TNS3: variants seen among roughly 807,000 people sequenced by gnomAD.
The protein encoded by TNS3 is tensin 3.
TNS3 carries 45 observed loss-of-function variants against 140.9 expected under a neutral mutation model. The ratio of observed to expected loss-of-function variants is 0.32; its 90% CI spans 0.25 to 0.41. The LOEUF (loss-of-function observed/expected upper bound fraction) is 0.41, where lower values mean the gene tolerates loss of function less well. TNS3 is among the 10% of genes least tolerant of loss of function. TNS3 has a pLI of 1.00. For synonymous variants in TNS3, 815 were observed against 788.4 expected, an observed-to-expected ratio of 1.03 and a Z score of -0.56; for missense variants, 1,716 against 1,906.7, an observed-to-expected ratio of 0.90 and a Z score of 1.86.
chr7:47,343,011 A>G (rs996929966), intron 20 of TNS3, among the ~76,000 whole-genome samples: 2 of 152,222 alleles, frequency 1.3e-5, no homozygotes, highest in African/African-American at 4.8e-5. Context: ...AAAAATCTAG[A>G]AGGCTCACAT....
chr7:47,452,536 G>A (rs1024231946), intron 4 of TNS3, among the ~76,000 whole-genome samples: 2 of 152,162 alleles, frequency 1.3e-5, no homozygotes, highest in South Asian at 2.1e-4. Flanking sequence ...TATTTGTAAC[G>A]AAATAGTCAC....
At chr7:47,521,993 G>A (rs1456472718) in intron 2 of TNS3, among the ~76,000 whole-genome samples, 6 of 152,158 alleles carry the variant, frequency 3.9e-5, no homozygotes, top group Non-Finnish European at 5.9e-5. Context: ...TCTGCACGGC[G>A]ATGGAGACCG....
intron 9 of TNS3, among the ~76,000 whole-genome samples, chr7:47,427,508 G>T (rs1290730520): frequency 1.3e-5 from 2 of 152,254 alleles, no homozygotes; most frequent in African/African-American, 4.8e-5. Context: ...AGATGCAAAT[G>T]TAGACCCCAT....
At chr7:47,433,917 CTCTCTT>C (rs761253786) in intron 8 of TNS3, among the ~76,000 whole-genome samples, 1 of 120,170 alleles carries the variant, frequency 8.3e-6, no homozygotes, top group African/African-American at 3.0e-5. Flanking sequence ...CTCTCTCTCT[CTCTCTT>C]AGTTTGCACC....
At chr7:47,421,631 T>A (rs1339044588) in intron 10 of TNS3, among the ~76,000 whole-genome samples, 1 of 152,118 alleles carries the variant, frequency 6.6e-6, no homozygotes, top group Non-Finnish European at 1.5e-5. Flanking sequence ...GGGAAGGAAG[T>A]TCAGGGGTGC....
chr7:47,389,083 A>AGAAGAAGAG, intron 16 of TNS3, among the ~76,000 whole-genome samples: 1 of 71,630 alleles, frequency 1.4e-5, no homozygotes, highest in African/African-American at 7.7e-5. Flanking sequence ...AAGAAGAAGA[A>AGAAGAAGAG]GAGGAAGAGG....
At chr7:47,506,818 G>T in intron 3 of TNS3, 89 bp downstream of exon 3, 1 of 1,006,200 alleles carries the variant, frequency 9.9e-7, no homozygotes, top group Non-Finnish European at 1.3e-6. Flanking sequence ...TTCCGTGGCT[G>T]CAGTCCAAAG....
chr7:47,366,933 TG>T (rs1354293762), intron 17 of TNS3, among the ~76,000 whole-genome samples: 1 of 152,222 alleles, frequency 6.6e-6, no homozygotes, highest in Non-Finnish European at 1.5e-5. Context: ...CACACAGCCA[TG>T]TCCCTTGTCC....
At chr7:47,510,820 A>G (rs1450116485) in intron 2 of TNS3, among the ~76,000 whole-genome samples, 2 of 147,016 alleles carry the variant, frequency 1.4e-5, no homozygotes, top group Non-Finnish European at 3.0e-5. Context: ...GGTTGCAGTG[A>G]GCCGAGATCG....
chr7:47,316,801 A>G (rs1787442256), intron 20 of TNS3, among the ~76,000 whole-genome samples: 2 of 150,186 alleles, frequency 1.3e-5, no homozygotes, highest in Admixed American at 6.6e-5. Context: ...AAAAAAAGTC[A>G]TTATCCTATA....
At position 47,400,149 on chromosome 7, in the gene TNS3, C is replaced by T. The variant is rs369457684; in HGVS notation, c.919+244G>A. ...TACCACCTTACTCCTACAAGAATGG[C>T]CAGTCATGCCCAAGGCTCTCCTGGC... On this transcript the variant is annotated intron_variant, in intron 15 of 30. Coordinates refer to ENST00000311160, the MANE Select transcript of TNS3 (RefSeq NM_022748.12). 5.4e-3 allele frequency among the ~76,000 whole-genome samples: 828 copies of T among 152,310 alleles called. 9 individuals carry two copies. The highest frequency in any genetic ancestry group is 0.019 in the African/African-American group (785 of 41,566).
intron 4 of TNS3, among the ~76,000 whole-genome samples, chr7:47,453,473 T>C (rs1188506586): frequency 1.3e-5 from 2 of 152,204 alleles, no homozygotes; most frequent in African/African-American, 4.8e-5. Context: ...CCTCCCTCCC[T>C]CTTTCCTTCC....
chr7:47,532,314 T>C (rs1263451832), intron 1 of TNS3, among the ~76,000 whole-genome samples: 1 of 152,224 alleles, frequency 6.6e-6, no homozygotes, highest in East Asian at 1.9e-4. Context: ...TGGGGACTCA[T>C]GGTGCCTCTT....
At chr7:47,411,512 C>G (rs1216003945) in intron 13 of TNS3, among the ~76,000 whole-genome samples, 1 of 151,938 alleles carries the variant, frequency 6.6e-6, no homozygotes, top group African/African-American at 2.4e-5. Flanking sequence ...CATGCTCGCT[C>G]GCTGGCCCGG....
At chr7:47,362,031 G>A (rs966731113) in intron 17 of TNS3, among the ~76,000 whole-genome samples, 41 of 152,146 alleles carry the variant, frequency 2.7e-4, no homozygotes, top group African/African-American at 9.4e-4. Context: ...CCACTTAAAA[G>A]GGTATGATAC....
At chr7:47,411,834 G>T (rs372788124) in intron 12 of TNS3, 32 bp from the exon 13 acceptor site, 125 of 1,599,044 alleles carry the variant, frequency 7.8e-5, no homozygotes, top group Admixed American at 2.2e-4. Flanking sequence ...AGATCATTAT[G>T]CAACTTCATG....
chr7:47,525,034 A>G (rs1237658655), intron 2 of TNS3, among the ~76,000 whole-genome samples: 19 of 152,132 alleles, frequency 1.2e-4, no homozygotes, highest in Admixed American at 1.2e-3. Context: ...CTGACCAAAA[A>G]TCTATTTCAC....
chr7:47,437,111 A>G (rs76312388), intron 7 of TNS3, 152 bp downstream of exon 7: 1 of 463,828 alleles, frequency 2.2e-6, no homozygotes, highest in Non-Finnish European at 3.9e-6. Flanking sequence ...TTTCAAACTG[A>G]AAAAAAAGTA....
At chr7:47,478,938 TACACAC>T (rs145018052) in intron 4 of TNS3, among the ~76,000 whole-genome samples, 1 of 150,150 alleles carries the variant, frequency 6.7e-6, no homozygotes, top group Non-Finnish European at 1.5e-5. Context: ...ACACACATAA[TACACAC>T]ACACACACAC....
Sources: allele counts gnomAD v4.1 joint callset (sites outside exome capture counted in the v4.1 genomes callset), GRCh38; gene constraint gnomAD v4.1.1; transcripts MANE v1.5; gene names NCBI Gene and HGNC (gene_info 2026-07-23, HGNC 2026-07-21).